Variants in RELL1 observed in about 807,000 individuals in gnomAD.
RELL1 encodes the protein RELT like 1.
A neutral mutation model predicts 23.0 loss-of-function variants in RELL1; 10 were observed. That is an observed-to-expected ratio of 0.43 (90% CI 0.27 to 0.74). The LOEUF is 0.74. RELL1 is among the 30% of genes least tolerant of loss of function. RELL1 has a pLI of 0.19. For synonymous variants in RELL1, 146 were observed against 146.8 expected, an observed-to-expected ratio of 0.99 and a Z score of 0.04; for missense variants, 315 against 364.4, an observed-to-expected ratio of 0.86 and a Z score of 1.10.
At chr4:37,592,373 GAGCT>G (rs1223430647) in intron 6 of RELL1, among the ~76,000 whole-genome samples, 1 of 100,194 alleles carries the variant, frequency 1.0e-5, no homozygotes, top group East Asian at 3.0e-4. Flanking sequence ...AAAAAAAAAA[GAGCT>G]AGACTACAAA....
intron 1 of RELL1, among the ~76,000 whole-genome samples, chr4:37,662,203 T>C (rs1721379738): frequency 6.6e-6 from 1 of 152,176 alleles, no homozygotes; most frequent in Non-Finnish European, 1.5e-5. Context: ...TAAATCCTTA[T>C]TTTCAGATGC....
At chr4:37,664,940 G>A (rs375528898) in intron 1 of RELL1, among the ~76,000 whole-genome samples, 1 of 152,060 alleles carries the variant, frequency 6.6e-6, no homozygotes, top group African/African-American at 2.4e-5. Flanking sequence ...AGAACTCGCC[G>A]GAAAACCCTG....
chr4:37,665,499 G>A (rs1264387999), intron 1 of RELL1: 2 of 346,660 alleles, frequency 5.8e-6, no homozygotes, highest in Admixed American at 3.9e-5. Flanking sequence ...ATCCATAAGG[G>A]GACGCTAAAT....
intron 6 of RELL1, among the ~76,000 whole-genome samples, chr4:37,625,441 A>G (rs932195615): frequency 5.9e-5 from 9 of 152,364 alleles, no homozygotes; most frequent in African/African-American, 2.2e-4. Context: ...AATGGGAGAA[A>G]ATATTTGCAA....
intron 6 of RELL1, chr4:37,591,650 C>T (rs1209285103): frequency 6.6e-6 from 1 of 152,170 alleles, no homozygotes; most frequent in Non-Finnish European, 1.5e-5. Flanking sequence ...TTGACCTTAA[C>T]TTTTTTACAT....
rs1323047172 is a variant in RELL1, at chr4:37,590,994, T to C, written c.*227A>G. 4.4e-6 allele frequency: 7 copies of C among 1,604,782 alleles called. No individual in the cohort carries two copies. In the African/African-American group the frequency reaches 8.0e-5, roughly 18 times the overall value. ...CTGCAGGAGAAGATTTGGATGAGAC[T>C]GATTAGGGGAGGGGATTTGCACAGG... On this transcript the variant is annotated 3_prime_UTR_variant, in exon 7 of 7. Transcript: ENST00000314117.
chr4:37,637,953 C>T (rs1720391484), intron 4 of RELL1, among the ~76,000 whole-genome samples: 1 of 152,182 alleles, frequency 6.6e-6, no homozygotes, highest in Non-Finnish European at 1.5e-5. Context: ...CCCTATAAAG[C>T]TGGTACTGTG....
At chr4:37,680,676 C>T (rs1722185970) in intron 1 of RELL1, among the ~76,000 whole-genome samples, 1 of 152,156 alleles carries the variant, frequency 6.6e-6, no homozygotes, top group South Asian at 2.1e-4. Context: ...TGCCTGTAAT[C>T]CCAGCACTTT....
chr4:37,676,694 C>T (rs927122746), intron 1 of RELL1, among the ~76,000 whole-genome samples: 5 of 152,152 alleles, frequency 3.3e-5, no homozygotes, highest in African/African-American at 7.2e-5. Flanking sequence ...ACAAAACAGC[C>T]TCTCACCAGT....
At chr4:37,663,763 T>A (rs16993774) in intron 1 of RELL1, among the ~76,000 whole-genome samples, 15,028 of 152,106 alleles carry the variant, frequency 0.099, 1,638 homozygotes, top group African/African-American at 0.28. Context: ...TGTCTGTAAG[T>A]GGCGGTGGCC....
chr4:37,675,570 G>A (rs1391857427), intron 1 of RELL1, among the ~76,000 whole-genome samples: 1 of 152,188 alleles, frequency 6.6e-6, no homozygotes, highest in African/African-American at 2.4e-5. Context: ...AACAAACATG[G>A]TGGAAACAAT....
At chr4:37,628,149 G>A (rs1720013263) in intron 6 of RELL1, among the ~76,000 whole-genome samples, 1 of 152,074 alleles carries the variant, frequency 6.6e-6, no homozygotes, top group Admixed American at 6.5e-5. Context: ...ACTTCATTGG[G>A]GTAATCAGAT....
chr4:37,622,448 C>T (rs1172332774), intron 6 of RELL1, among the ~76,000 whole-genome samples: 1 of 152,222 alleles, frequency 6.6e-6, no homozygotes, highest in Non-Finnish European at 1.5e-5. Flanking sequence ...TTTCACCCTG[C>T]AGACTTTTAG....
intron 6 of RELL1, among the ~76,000 whole-genome samples, chr4:37,598,309 GA>G (rs1475111233): frequency 4.7e-4 from 29 of 62,168 alleles, no homozygotes; most frequent in Admixed American, 8.8e-4. Flanking sequence ...AATATATAGA[GA>G]AAAAATCTGC....
chr4:37,684,349 C>CAAAAAA (rs372907719), intron 1 of RELL1, among the ~76,000 whole-genome samples: 2 of 137,750 alleles, frequency 1.5e-5, no homozygotes, highest in African/African-American at 2.6e-5. Flanking sequence ...TAATTTTCAT[C>CAAAAAA]AAAAAAAAAA....
chr4:37,608,052 A>C (rs1351316982), downstream of RELL1, among the ~76,000 whole-genome samples: 2 of 152,230 alleles, frequency 1.3e-5, no homozygotes, highest in Non-Finnish European at 2.9e-5. Context: ...TTGGGATGAC[A>C]TGAACTGTGC....
At chr4:37,644,650 G>T (rs1333375936) in intron 3 of RELL1, among the ~76,000 whole-genome samples, 1 of 151,638 alleles carries the variant, frequency 6.6e-6, no homozygotes, top group East Asian at 1.9e-4. Context: ...AGTAGAGACG[G>T]GGTTTCACCA....
At chr4:37,631,987 G>A (rs1469797166) in intron 5 of RELL1, among the ~76,000 whole-genome samples, 1 of 142,940 alleles carries the variant, frequency 7.0e-6, no homozygotes, top group East Asian at 2.3e-4. Flanking sequence ...GCTGAAGCAG[G>A]AGAATCACTT....
At chr4:37,615,250 C>A (rs1719538723) in intron 6 of RELL1, among the ~76,000 whole-genome samples, 1 of 152,218 alleles carries the variant, frequency 6.6e-6, no homozygotes, top group African/African-American at 2.4e-5. Flanking sequence ...TCTGTAATAT[C>A]TTTGAGAGAG....
Sources: gnomAD v4.1 joint callset for allele counts (sites outside exome capture counted in the v4.1 genomes callset) on GRCh38, gnomAD v4.1.1 for gene constraint, MANE v1.5 for transcripts, NCBI Gene and HGNC (gene_info 2026-07-23, HGNC 2026-07-21) for gene names.